The following LAMB1 variants were observed in gnomAD, a reference collection of about 807,000 sequenced individuals.
LAMB1 encodes laminin subunit beta 1.
In LAMB1, 121 loss-of-function variants were observed where a neutral mutation model predicts 222.3. That is an observed-to-expected ratio of 0.54 (90% CI 0.47 to 0.63). LAMB1 has a LOEUF of 0.63. Among genes scored for constraint, LAMB1 ranks in the 30% least tolerant of loss-of-function variants. LAMB1 has a pLI of 0.00. For synonymous variants in LAMB1, 794 were observed against 807.2 expected (o/e 0.98, Z 0.28); for missense variants, 2,172 against 2,240.8 (o/e 0.97, Z 0.62).
At position 107,951,242 on chromosome 7, in the gene LAMB1, G is replaced by A. The variant is rs113677228; in HGVS notation, c.3375C>T (p.Pro1125=). 10 of 1,614,028 alleles carry A rather than the reference G, an allele frequency of 6.2e-6. No individual in the cohort carries two copies. The highest frequency in any genetic ancestry group is 4.5e-5 in the East Asian group (2 of 44,866). Residue 1125 remains proline (P), a synonymous_variant, in exon 24 of 34, where the codon CCC becomes CCT. Coordinates refer to ENST00000222399, the MANE Select transcript of LAMB1 (RefSeq NM_002291.3). ...SECQELFWGD[P]DVECRACDCD... is the part of the protein sequence containing the mutation. ...ACAACTCACCTCGGCACTCCACGTC[G>A]GGGTCTCCCCAGAAGAGTTCCTGGC...
intron 5 of LAMB1, among the ~76,000 whole-genome samples, chr7:107,992,713 T>C (rs1156997744): frequency 3.3e-5 from 5 of 152,024 alleles, no homozygotes; most frequent in African/African-American, 1.2e-4. Flanking sequence ...CTGGCCAACA[T>C]GGTGAAACCT....
At chr7:107,989,110 G>A (rs2034135118) in intron 5 of LAMB1, among the ~76,000 whole-genome samples, 1 of 152,078 alleles carries the variant, frequency 6.6e-6, no homozygotes, top group Admixed American at 6.5e-5. Flanking sequence ...AGTGTCAGAG[G>A]GAAAAGAGAA....
At chr7:107,970,129 T>C (rs2033717227) in intron 13 of LAMB1, among the ~76,000 whole-genome samples, 1 of 151,982 alleles carries the variant, frequency 6.6e-6, no homozygotes, top group African/African-American at 2.4e-5. Flanking sequence ...GCAAAATAAA[T>C]GCTAAAAGAG....
intron 22 of LAMB1, among the ~76,000 whole-genome samples, chr7:107,952,549 A>C (rs2033280805): frequency 6.6e-6 from 1 of 152,236 alleles, no homozygotes; most frequent in African/African-American, 2.4e-5. Context: ...AAAAAATGCC[A>C]GTGGGAATTG....
At chr7:107,935,370 T>G in intron 27 of LAMB1, 45 bp downstream of exon 27, 2 of 1,169,366 alleles carry the variant, frequency 1.7e-6, no homozygotes, top group African/African-American at 3.5e-5. Context: ...TTTTTTTTTT[T>G]TTTGCTTGGC....
intron 8 of LAMB1, among the ~76,000 whole-genome samples, chr7:107,978,673 T>G (rs905608013): frequency 2.0e-5 from 3 of 152,200 alleles, no homozygotes; most frequent in Non-Finnish European, 4.4e-5. Flanking sequence ...GCATAGCACT[T>G]AAATTTTTCT....
chr7:107,931,533 C>G (rs754901090), intron 28 of LAMB1, 33 bp from the exon 29 acceptor site: 3 of 1,595,448 alleles, frequency 1.9e-6, no homozygotes, highest in Non-Finnish European at 2.6e-6. Context: ...CCAGGGAAGA[C>G]TTTCATTCTT....
intron 3 of LAMB1, chr7:107,999,976 T>C (rs1262252687): frequency 2.6e-5 from 4 of 152,142 alleles, no homozygotes; most frequent in African/African-American, 7.2e-5. Context: ...ACTGAGAGGA[T>C]AGTCTTTCCA....
intron 5 of LAMB1, among the ~76,000 whole-genome samples, chr7:107,989,092 G>C (rs2150448545): frequency 6.6e-6 from 1 of 152,262 alleles, no homozygotes; most frequent in African/African-American, 2.4e-5. Flanking sequence ...ACAGAAGACT[G>C]AAAAATGAGT....
At position 107,986,227 on chromosome 7, in the gene LAMB1, T is replaced by C. The variant is rs2034073967; in HGVS notation, c.560A>G (p.Asp187Gly). 1.2e-6 allele frequency: 2 copies of C among 1,614,212 alleles called. No homozygotes were observed. Among genetic ancestry groups the C allele is most frequent in the East Asian group, 4.5e-5 (2 of 44,888 alleles). Residue 187 changes from aspartate (D) to glycine (G), a missense_variant, in exon 6 of 34, where the codon GAC (aspartate) becomes GGC (glycine). Coordinates refer to ENST00000222399, the MANE Select transcript of LAMB1 (RefSeq NM_002291.3). ...ISTGPMKKVD[D>G]IICDSRYSDI... ...AGAATATCGAGAATCACAAATTATGTCATCGACTTTTTTCATGGGGCCAGT... is the reference window on the plus strand; with the variant it reads ...AGAATATCGAGAATCACAAATTATGCCATCGACTTTTTTCATGGGGCCAGT...
Position 108,003,130 on chromosome 7 carries a change from C to G in LAMB1, c.-106G>C. ...CCTCACCCGGCGACGCGAGCTCTCGCCCTGCTCCGGGAGCCCCCGAGCCCA... is the reference window on the plus strand; with the variant it reads ...CCTCACCCGGCGACGCGAGCTCTCGGCCTGCTCCGGGAGCCCCCGAGCCCA... On this transcript the variant is annotated 5_prime_UTR_variant, in exon 1 of 34. Coordinates refer to ENST00000222399, the MANE Select transcript of LAMB1 (RefSeq NM_002291.3). 1.3e-6 allele frequency: 1 copy of G among 771,450 alleles called. No homozygotes were observed. The highest frequency in any genetic ancestry group is 1.9e-6 in the Non-Finnish European group (1 of 514,198). The allele number at this position is 771,450 out of a possible 1,614,324, so 47.8% of individuals were successfully genotyped here.
chr7:107,930,277 G>A (rs182512405), intron 29 of LAMB1, among the ~76,000 whole-genome samples: 9 of 152,272 alleles, frequency 5.9e-5, no homozygotes, highest in South Asian at 2.1e-4. Flanking sequence ...CTTCAAATAC[G>A]TCAGATCCTC....
At position 107,959,495 on chromosome 7, in the gene LAMB1, A is replaced by T; in HGVS notation, c.2459-15T>A. On this transcript the variant is annotated splice_polypyrimidine_tract_variant and intron_variant, in intron 19 of 33. Transcript: ENST00000222399. ...GCACTCACAAGCTAAAGAAACAGGCAAACAAGGAACTGCCTTGAGAAACTC... is the reference window on the plus strand; with the variant it reads ...GCACTCACAAGCTAAAGAAACAGGCTAACAAGGAACTGCCTTGAGAAACTC... The T allele has an allele frequency of 6.2e-7, 1 of 1,613,638 alleles. No individual in the cohort carries two copies. The highest frequency in any genetic ancestry group is 1.1e-5 in the South Asian group (1 of 91,056).
At chr7:107,987,564 G>A (rs574608843) in intron 5 of LAMB1, among the ~76,000 whole-genome samples, 5 of 152,124 alleles carry the variant, frequency 3.3e-5, no homozygotes, top group African/African-American at 1.2e-4. Flanking sequence ...GCAGTGGCAC[G>A]ATCTCAGTTC....
rs146247883 is a variant in LAMB1 at position 107,940,290 on chromosome 7, C to G, written c.3460G>C (p.Val1154Leu). ...CAGCGTGGACCCTCAACACCCTCAA[C>G]GCAGACACACTGGCCCGTGGACTGG... ...CDQSTGQCVC[V>L]EGVEGPRCDK... The change falls in exon 25 of 34, where the codon GTT (valine) becomes CTT (leucine). Residue 1154 changes from valine to leucine, a missense_variant. Physicochemically the swap from Val to Leu is conservative, Grantham distance 32. Transcript: ENST00000222399. 1 of 1,614,084 alleles carries G rather than the reference C, an allele frequency of 6.2e-7. No individual in the cohort carries two copies. The highest frequency in any genetic ancestry group is 1.3e-5 in the African/African-American group (1 of 74,938).
chr7:108,002,285 CG>C (rs1172910823), intron 2 of LAMB1: 1 of 1,310,262 alleles, frequency 7.6e-7, no homozygotes, highest in East Asian at 5.3e-5. Context: ...TCGCGGTGGA[CG>C]CCGCTTTCCG....
chr7:107,964,246 A>G (rs980532508), intron 14 of LAMB1, among the ~76,000 whole-genome samples: 49 of 152,382 alleles, frequency 3.2e-4, no homozygotes, highest in African/African-American at 1.1e-3. Context: ...TCCTTGCCTC[A>G]GTATTTACCA....
intron 27 of LAMB1, among the ~76,000 whole-genome samples, chr7:107,933,777 A>T (rs1226425227): frequency 1.3e-5 from 2 of 152,226 alleles, no homozygotes; most frequent in Non-Finnish European, 2.9e-5. Context: ...AAGAGAACTG[A>T]AGCAGCTGCT....
chr7:107,933,129 CT>C (rs2116329963), intron 27 of LAMB1, among the ~76,000 whole-genome samples: 1 of 152,310 alleles, frequency 6.6e-6, no homozygotes, highest in Non-Finnish European at 1.5e-5. Context: ...ACCAAAACCT[CT>C]CAAAGATCAC....
Sources: allele counts gnomAD v4.1 joint callset (sites outside exome capture counted in the v4.1 genomes callset), GRCh38; gene constraint gnomAD v4.1.1; transcripts MANE v1.5; gene names NCBI Gene and HGNC (gene_info 2026-07-23, HGNC 2026-07-21).